DACH1: variants seen among roughly 807,000 people sequenced by gnomAD.
The protein encoded by DACH1 is dachshund homolog 1.
A neutral mutation model predicts 54.2 loss-of-function variants in DACH1; 12 were observed. The observed-to-expected ratio is 0.22, with a 90% CI of 0.14 to 0.36. DACH1 has a LOEUF of 0.36. DACH1 is among the 10% of genes least tolerant of loss of function. The pLI is 1.00. For synonymous variants in DACH1, 386 were observed against 366.2 expected (o/e 1.05, Z -0.62); for missense variants, 805 against 929.8 (o/e 0.87, Z 1.75).
At chr13:71,771,769 T>C (rs1455993654) in intron 1 of DACH1, among the ~76,000 whole-genome samples, 6 of 149,588 alleles carry the variant, frequency 4.0e-5, no homozygotes, top group Admixed American at 4.0e-4. Flanking sequence ...TCCATATCAT[T>C]ACACACACAC....
intron 2 of DACH1, among the ~76,000 whole-genome samples, chr13:71,640,582 C>A (rs1226555766): frequency 6.6e-6 from 1 of 151,926 alleles, no homozygotes; most frequent in Non-Finnish European, 1.5e-5. Context: ...CTTTTAAGCA[C>A]CCCTCTCATT....
At chr13:71,576,781 C>T (rs1421101632) in intron 3 of DACH1, among the ~76,000 whole-genome samples, 3 of 152,118 alleles carry the variant, frequency 2.0e-5, no homozygotes, top group Non-Finnish European at 2.9e-5. Flanking sequence ...TCTGCTTCCC[C>T]ATCCCCACTA....
At chr13:71,833,894 A>C (rs1888682247) in intron 1 of DACH1, among the ~76,000 whole-genome samples, 2 of 152,088 alleles carry the variant, frequency 1.3e-5, no homozygotes, top group Non-Finnish European at 2.9e-5. Flanking sequence ...ATTCTCTGAA[A>C]TAGCACAAGA....
intron 6 of DACH1, among the ~76,000 whole-genome samples, chr13:71,539,566 T>G (rs181122011): frequency 8.6e-4 from 131 of 152,186 alleles, no homozygotes; most frequent in Non-Finnish European, 1.7e-3. Context: ...TATAAAAACT[T>G]GCAGTAAAAA....
At chr13:71,598,201 C>T (rs1440904475) in intron 3 of DACH1, among the ~76,000 whole-genome samples, 1 of 152,004 alleles carries the variant, frequency 6.6e-6, no homozygotes, top group East Asian at 1.9e-4. Context: ...ACCTGGAAAA[C>T]CCTAAAACTG....
chr13:71,784,995 C>T (rs1206059933), intron 1 of DACH1, among the ~76,000 whole-genome samples: 2 of 152,044 alleles, frequency 1.3e-5, no homozygotes, highest in African/African-American at 4.8e-5. Flanking sequence ...CTAAGAAGTA[C>T]ACATATAAAA....
intron 1 of DACH1, among the ~76,000 whole-genome samples, chr13:71,779,936 T>C (rs887003163): frequency 2.0e-5 from 3 of 152,072 alleles, no homozygotes; most frequent in Non-Finnish European, 4.4e-5. Context: ...TTATTAAATC[T>C]CTGGAAACCT....
At chr13:71,709,455 G>A (rs995526984) in intron 1 of DACH1, among the ~76,000 whole-genome samples, 1 of 151,960 alleles carries the variant, frequency 6.6e-6, no homozygotes, top group Non-Finnish European at 1.5e-5. Flanking sequence ...CCACCGAGAC[G>A]TGAATTGTCC....
chr13:71,759,321 T>C (rs1885303536), intron 1 of DACH1, among the ~76,000 whole-genome samples: 2 of 152,136 alleles, frequency 1.3e-5, no homozygotes, highest in African/African-American at 2.4e-5. Context: ...GGGAGCTAAA[T>C]ATTTTAAATA....
chr13:71,740,688 G>C (rs988570260), intron 1 of DACH1, among the ~76,000 whole-genome samples: 2 of 152,086 alleles, frequency 1.3e-5, no homozygotes, highest in Non-Finnish European at 2.9e-5. Context: ...CTACTGCCTG[G>C]GGTGTGGGTG....
chr13:71,457,134 A>C (rs1353975780), intron 10 of DACH1, among the ~76,000 whole-genome samples: 1 of 152,056 alleles, frequency 6.6e-6, no homozygotes, highest in Admixed American at 6.6e-5. Flanking sequence ...TACTGTTCAA[A>C]TGACTGCAAA....
At chr13:71,619,178 AC>A (rs1217470240) in intron 3 of DACH1, among the ~76,000 whole-genome samples, 3 of 151,876 alleles carry the variant, frequency 2.0e-5, no homozygotes, top group South Asian at 2.1e-4. Context: ...TAAATCTGTA[AC>A]TATAAAAAAG....
At chr13:71,650,311 T>C (rs1035741078) in intron 2 of DACH1, among the ~76,000 whole-genome samples, 3 of 152,160 alleles carry the variant, frequency 2.0e-5, no homozygotes, top group African/African-American at 7.2e-5. Context: ...CAATTTCTAA[T>C]AGTCAAGTAA....
intron 3 of DACH1, among the ~76,000 whole-genome samples, chr13:71,599,828 T>TACACACACACAC (rs113936121): frequency 6.8e-6 from 1 of 146,606 alleles, no homozygotes; most frequent in African/African-American, 2.5e-5. Context: ...AACACATTTC[T>TACACACACACAC]ACACACACAC....
intron 3 of DACH1, among the ~76,000 whole-genome samples, chr13:71,620,970 T>C (rs894093855): frequency 6.6e-6 from 1 of 151,986 alleles, no homozygotes; most frequent in Admixed American, 6.6e-5. Context: ...ATAAAAAGAC[T>C]TAAATATGTG....
chr13:71,467,739 A>G (rs1427059646), intron 10 of DACH1, among the ~76,000 whole-genome samples: 1 of 152,152 alleles, frequency 6.6e-6, no homozygotes, highest in East Asian at 1.9e-4. Flanking sequence ...AATCAGTGAC[A>G]TCTTAAATTG....
chr13:71,748,899 T>TTTCTTTCC (rs1352890579), intron 1 of DACH1, among the ~76,000 whole-genome samples: 10 of 15,394 alleles, frequency 6.5e-4, no homozygotes, highest in African/African-American at 1.1e-3. Context: ...TCTTTCTTTC[T>TTTCTTTCC]CTTTCTTTCT....
intron 2 of DACH1, among the ~76,000 whole-genome samples, chr13:71,640,213 G>A (rs1877796067): frequency 6.6e-6 from 1 of 151,978 alleles, no homozygotes; most frequent in Non-Finnish European, 1.5e-5. Context: ...CTTTGCTCTA[G>A]TAGCTTATGG....
chr13:71,595,797 A>C (rs1191702816), intron 3 of DACH1, among the ~76,000 whole-genome samples: 3 of 152,030 alleles, frequency 2.0e-5, no homozygotes, highest in African/African-American at 2.4e-5. Flanking sequence ...CACAAACCCC[A>C]TTCATTAGGA....
Sources: gnomAD v4.1 joint callset for allele counts (sites outside exome capture counted in the v4.1 genomes callset) on GRCh38, gnomAD v4.1.1 for gene constraint, MANE v1.5 for transcripts, NCBI Gene and HGNC (gene_info 2026-07-23, HGNC 2026-07-21) for gene names.